The following FOXN3 variants were observed in gnomAD, a reference collection of about 807,000 sequenced individuals.
FOXN3 encodes forkhead box N3, also known as forkhead box protein N3.
Under a neutral mutation model 38.4 loss-of-function variants are expected in FOXN3, and 7 were observed. The observed-to-expected ratio is 0.18, with a 90% confidence interval of 0.10 to 0.34. FOXN3 has a LOEUF of 0.34. FOXN3 is among the 10% of genes least tolerant of loss of function. FOXN3 has a pLI of 1.00. For synonymous variants in FOXN3, 230 were observed against 242.2 expected, an observed-to-expected ratio of 0.95 and a Z score of 0.47; for missense variants, 456 against 613.4, an observed-to-expected ratio of 0.74 and a Z score of 2.71.
At chr14:89,321,948 A>G (rs1887910083) in intron 3 of FOXN3, among the ~76,000 whole-genome samples, 1 of 152,134 alleles carries the variant, frequency 6.6e-6, no homozygotes, top group Non-Finnish European at 1.5e-5. Flanking sequence ...CCGGTAAATT[A>G]TTTCCTGAAC....
At chr14:89,378,593 ATTTC>A (rs1253323706) in intron 2 of FOXN3, among the ~76,000 whole-genome samples, 2 of 152,046 alleles carry the variant, frequency 1.3e-5, no homozygotes, top group Non-Finnish European at 2.9e-5. Context: ...CAATTTAAAT[ATTTC>A]TTTAACTGTG....
chr14:89,343,333 C>CA (rs1169830532), intron 3 of FOXN3, among the ~76,000 whole-genome samples: 4 of 152,128 alleles, frequency 2.6e-5, no homozygotes, highest in African/African-American at 9.7e-5. Flanking sequence ...CCTCCCAATG[C>CA]AATTCCCCTA....
At position 89,286,486 on chromosome 14, in the gene FOXN3, C is replaced by T. The variant is rs1596154827; in HGVS notation, c.681-5472G>A. On this transcript the variant is annotated intron_variant, in intron 3 of 5. Transcript: ENST00000557258. The stretch of plus-strand genomic sequence containing the variant: ...CCCACTACTCTTAAGCAACCGAGCA[C>T]AGAGTCCTATCATACTCTTAGCGCT... 3.9e-5 allele frequency among the ~76,000 whole-genome samples: 6 copies of T among 152,250 alleles called. No individual in the cohort carries two copies. In the South Asian group the frequency reaches 1.0e-3, roughly 26 times the overall value.
rs117635784 is a variant in FOXN3, at chr14:89,205,720, G to A, written c.746-24914C>T. Among the ~76,000 whole-genome samples, 59 of 152,348 alleles carry A rather than the reference G, an allele frequency of 3.9e-4. No homozygotes were observed. In the East Asian group the frequency reaches 9.5e-3, roughly 24 times the overall value. On this transcript the variant is annotated intron_variant, in intron 4 of 5. Coordinates refer to ENST00000557258, the MANE Select transcript of FOXN3 (RefSeq NM_005197.4). ...CTGAGCTGATTAACACAAGCCGCCT[G>A]CAGATGGCAAAACTGAAAGAGCGCC...
intron 4 of FOXN3, among the ~76,000 whole-genome samples, chr14:89,237,788 C>G (rs1461844322): frequency 1.3e-5 from 2 of 152,220 alleles, no homozygotes; most frequent in East Asian, 3.8e-4. Context: ...GATCTTTACT[C>G]TGCTGCATAA....
intron 1 of FOXN3, among the ~76,000 whole-genome samples, chr14:89,601,106 G>C (rs1250927950): frequency 1.3e-5 from 2 of 152,200 alleles, no homozygotes; most frequent in African/African-American, 4.8e-5. Context: ...GCCAAGCCCA[G>C]GGAGATGCTC....
At chr14:89,570,609 C>A (rs373853281) in intron 1 of FOXN3, among the ~76,000 whole-genome samples, 1 of 152,018 alleles carries the variant, frequency 6.6e-6, no homozygotes, top group Non-Finnish European at 1.5e-5. Context: ...CAATGGCATG[C>A]GGCTCAGGAC....
rs186369853 is a variant in FOXN3, at chr14:89,305,493, G to A, written c.681-24479C>T. Among the ~76,000 whole-genome samples, 5 of 152,332 alleles carry A rather than the reference G, an allele frequency of 3.3e-5. No individual in the cohort carries two copies. In the East Asian group the frequency reaches 5.8e-4, roughly 18 times the overall value. On this transcript the variant is annotated intron_variant, in intron 3 of 5. Transcript: ENST00000557258. ...TTATATTAGCATAGGAATTTATCAC[G>A]TAAGTTATATGTTTGAACAACAGAA...
rs142914290 is a variant in FOXN3 at position 89,509,938 on chromosome 14, A to G, written c.-14-97448T>C. On this transcript the variant is annotated intron_variant, in intron 1 of 6. Transcript: ENST00000345097. Reference sequence around the variant, plus strand: ...TTTATCCTGTCATGCAAGTATGGACATCATGGAGAAGGGCATGTTTCCCAT... The same window carrying G: ...TTTATCCTGTCATGCAAGTATGGACGTCATGGAGAAGGGCATGTTTCCCAT... Among the ~76,000 whole-genome samples, 45 of 152,364 alleles carry G rather than the reference A, an allele frequency of 3.0e-4. 1 individual carries two copies. The East Asian group carries it at 3.5e-3, about 12-fold the overall frequency.
intron 3 of FOXN3, among the ~76,000 whole-genome samples, chr14:89,309,377 A>G (rs943650418): frequency 6.6e-6 from 1 of 152,186 alleles, no homozygotes; most frequent in African/African-American, 2.4e-5. Context: ...CTCACTGGGC[A>G]GGCGCAGAGG....
chr14:89,539,121 C>T (rs755424061), intron 1 of FOXN3, among the ~76,000 whole-genome samples: 11 of 152,292 alleles, frequency 7.2e-5, no homozygotes, highest in Non-Finnish European at 1.6e-4. Flanking sequence ...GGATTACAGG[C>T]GTGAGCCACG....
Position 89,543,437 on chromosome 14 carries a change from C to T in FOXN3, c.-15+75591G>A, listed in dbSNP as rs566645345. On this transcript the variant is annotated intron_variant, in intron 1 of 6. Transcript: ENST00000345097. ...CAGTAGGGTTTAGAAGCCAGAAACACGGTGCTGGGTTATTAAAAAAACAAA... is the reference window on the plus strand; with the variant it reads ...CAGTAGGGTTTAGAAGCCAGAAACATGGTGCTGGGTTATTAAAAAAACAAA... Among the ~76,000 whole-genome samples the T allele has an allele frequency of 1.5e-3, 229 of 152,274 alleles. 1 individual carries two copies. Among genetic ancestry groups the T allele is most frequent in the South Asian group, 0.011 (52 of 4,820 alleles).
intron 1 of FOXN3, among the ~76,000 whole-genome samples, chr14:89,413,396 G>A (rs893016820): frequency 6.6e-6 from 1 of 152,190 alleles, no homozygotes; most frequent in Non-Finnish European, 1.5e-5. Context: ...CACTTTGGGA[G>A]GCTGAGGCAG....
chr14:89,529,941 A>ATT (rs57214820), intron 1 of FOXN3, among the ~76,000 whole-genome samples: 95 of 143,542 alleles, frequency 6.6e-4, no homozygotes, highest in South Asian at 2.2e-3. Context: ...AGACTGTGTA[A>ATT]TTTTTTTTTT....
chr14:89,554,383 G>A (rs897530879), intron 1 of FOXN3, among the ~76,000 whole-genome samples: 3 of 152,022 alleles, frequency 2.0e-5, no homozygotes, highest in East Asian at 1.9e-4. Flanking sequence ...GCAATCCTCC[G>A]CCTAGGTCTT....
At chr14:89,285,180 A>G (rs1886585408) in intron 3 of FOXN3, among the ~76,000 whole-genome samples, 2 of 152,156 alleles carry the variant, frequency 1.3e-5, no homozygotes, top group South Asian at 2.1e-4. Context: ...TAAGAAAAGG[A>G]CTGTTTTCTA....
At chr14:89,553,240 A>C (rs1409322806) in intron 1 of FOXN3, among the ~76,000 whole-genome samples, 16 of 13,176 alleles carry the variant, frequency 1.2e-3, no homozygotes, top group East Asian at 3.0e-3. Context: ...CCCTGTCCCA[A>C]AAAAAAAAAA....
intron 1 of FOXN3, among the ~76,000 whole-genome samples, chr14:89,474,901 C>T (rs1442730381): frequency 6.6e-6 from 1 of 152,144 alleles, no homozygotes; most frequent in Admixed American, 6.5e-5. Flanking sequence ...CTGCAACCTC[C>T]GCCTCCTGGG....
chr14:89,190,689 C>T (rs1887919418), intron 4 of FOXN3, among the ~76,000 whole-genome samples: 1 of 152,156 alleles, frequency 6.6e-6, no homozygotes, highest in South Asian at 2.1e-4. Flanking sequence ...ATGGTTTCTT[C>T]TCATTTTGTT....
Sources: allele counts gnomAD v4.1 joint callset (sites outside exome capture counted in the v4.1 genomes callset), GRCh38; gene constraint gnomAD v4.1.1; transcripts MANE v1.5; gene names NCBI Gene and HGNC (gene_info 2026-07-23, HGNC 2026-07-21).